The following CACNA1B variants were observed in gnomAD, a reference collection of about 807,000 sequenced individuals.
CACNA1B encodes the protein calcium voltage-gated channel subunit alpha1 B, also known as voltage-dependent N-type calcium channel subunit alpha-1B.
A neutral mutation model predicts 247.2 loss-of-function variants in CACNA1B; 70 were observed. That is an observed-to-expected ratio of 0.28 (90% CI 0.23 to 0.35). The LOEUF (loss-of-function observed/expected upper bound fraction) is 0.35, where lower values mean the gene tolerates loss of function less well. CACNA1B is among the 10% of genes least tolerant of loss of function. The pLI, the probability that CACNA1B is intolerant of heterozygous loss-of-function variation, is 1.00. For synonymous variants in CACNA1B, 1,231 were observed against 1,294.4 expected, an observed-to-expected ratio of 0.95 and a Z score of 1.05; for missense variants, 2,367 against 3,197.4, an observed-to-expected ratio of 0.74 and a Z score of 6.26.
chr9:138,012,838 C>T lies in CACNA1B; in HGVS notation c.2161-291C>T, dbSNP rs1308545376. ...TAGCACAGAGGTGAGGCCGTCGCCTCCAGGGAGACGGCACAAGCAAGAGGG... is the reference window on the plus strand; with the variant it reads ...TAGCACAGAGGTGAGGCCGTCGCCTTCAGGGAGACGGCACAAGCAAGAGGG... On this transcript the variant is annotated intron_variant, in intron 17 of 46. Coordinates refer to ENST00000371372, the MANE Select transcript of CACNA1B (RefSeq NM_000718.4). This position sits in a 1 kb window ranked among gnomAD's most constrained non-coding sequence, Gnocchi z 4.2. Among the ~76,000 whole-genome samples, 1 of 152,004 alleles carries T rather than the reference C, an allele frequency of 6.6e-6. No homozygotes were observed. Among genetic ancestry groups the T allele is most frequent in the African/African-American group, 2.4e-5 (1 of 41,400 alleles).
At chr9:138,043,495 G>C (rs780997291) in intron 20 of CACNA1B, among the ~76,000 whole-genome samples, 1 of 152,170 alleles carries the variant, frequency 6.6e-6, no homozygotes, top group Non-Finnish European at 1.5e-5. Context: ...GCGCGGCAGA[G>C]GGGTCCACAG....
intron 34 of CACNA1B, 111 bp downstream of exon 34, chr9:138,074,177 A>G: frequency 1.2e-6 from 1 of 813,934 alleles, no homozygotes; most frequent in Non-Finnish European, 2.1e-6. Context: ...ATCCTTAGTG[A>G]ACATTCTCTG....
At position 138,052,202 on chromosome 9, in the gene CACNA1B, G is replaced by T. The variant is rs199874271; in HGVS notation, c.3807+14G>T. ...CCCAAGCTCAAGGTTAGAGCCTGGA[G>T]TTGGGGCTTGAGGGATGTGCTGTGT... On this transcript the variant is annotated intron_variant, in intron 25 of 46. Transcript: ENST00000371372. This position sits in a 1 kb window ranked among gnomAD's most constrained non-coding sequence, Gnocchi z 5.1. 1.2e-5 allele frequency: 18 copies of T among 1,528,538 alleles called. 1 individual carries two copies. In the South Asian group the frequency reaches 1.9e-4, roughly 16 times the overall value. 94.7% of individuals were successfully genotyped at this position (1,528,538 alleles called of 1,614,324 possible).
intron 39 of CACNA1B, among the ~76,000 whole-genome samples, chr9:138,110,193 C>T (rs1961575353): frequency 6.6e-6 from 1 of 152,030 alleles, no homozygotes; most frequent in Non-Finnish European, 1.5e-5. Flanking sequence ...CAGCTCACTG[C>T]AGTCTCTGCC....
intron 12 of CACNA1B, among the ~76,000 whole-genome samples, chr9:137,979,022 G>A (rs565477090): frequency 1.5e-4 from 23 of 152,320 alleles, no homozygotes; most frequent in Admixed American, 1.4e-3. Flanking sequence ...CAAGGGAGCC[G>A]AAGAGATGGA....
chr9:137,978,103 G>C (rs897674536), intron 12 of CACNA1B, among the ~76,000 whole-genome samples: 6 of 143,800 alleles, frequency 4.2e-5, no homozygotes, highest in African/African-American at 1.3e-4. Context: ...CCAGGAAGGA[G>C]TGATGGGAGC....
intron 15 of CACNA1B, among the ~76,000 whole-genome samples, chr9:138,002,496 G>A (rs1156265908): frequency 6.7e-6 from 1 of 150,146 alleles, no homozygotes. Flanking sequence ...ATCGCTTGAG[G>A]CTCTTAAGTT....
intron 10 of CACNA1B, among the ~76,000 whole-genome samples, chr9:137,958,656 T>C (rs1957976896): frequency 6.6e-6 from 1 of 152,176 alleles, no homozygotes; most frequent in Non-Finnish European, 1.5e-5. Flanking sequence ...CCTTCCTCAC[T>C]AGTGCTTTTC....
chr9:138,017,347 G>A (rs1958806019), intron 18 of CACNA1B: 2 of 426,390 alleles, frequency 4.7e-6, no homozygotes, highest in Middle Eastern at 3.6e-4. Flanking sequence ...GCCTGAGCGG[G>A]GAATGGTGGG....
intron 20 of CACNA1B, among the ~76,000 whole-genome samples, chr9:138,042,553 T>C (rs1959138018): frequency 6.6e-6 from 1 of 152,262 alleles, no homozygotes; most frequent in Non-Finnish European, 1.5e-5. Flanking sequence ...AATAAATTAA[T>C]AGAATTTTTT....
rs151216893 is a variant in CACNA1B, at chr9:138,057,894, A to G, written c.4106+25A>G. 26 of 1,596,582 alleles carry G rather than the reference A, an allele frequency of 1.6e-5. No homozygotes were observed. The African/African-American group carries it at 3.5e-4, about 21-fold the overall frequency. On this transcript the variant is annotated intron_variant, in intron 27 of 46. Coordinates refer to ENST00000371372, the MANE Select transcript of CACNA1B (RefSeq NM_000718.4). The surrounding 1 kb of genome is among the most constrained non-coding windows in gnomAD (Gnocchi z 4.0). ...TGTGAGTGCTCATCCTGCTCTCCGT[A>G]GCTGGGGCAGGCAGCCCCTGAGCTC...
In CACNA1B at chr9:137,954,131, C is replaced by A. The variant is rs1207629631; in HGVS notation, c.1071-1567C>A. ...ATGGGATATGTGATGTTCCTCCCAT[C>A]AGCGCAGCTGAACCCTCCCTCAGGC... On this transcript the variant is annotated intron_variant, in intron 7 of 46. Coordinates refer to ENST00000371372, the MANE Select transcript of CACNA1B (RefSeq NM_000718.4). This position sits in a 1 kb window ranked among gnomAD's most constrained non-coding sequence, Gnocchi z 4.1. Among the ~76,000 whole-genome samples the A allele has an allele frequency of 6.6e-6, 1 of 152,154 alleles. No individual in the cohort carries two copies. The highest frequency in any genetic ancestry group is 1.5e-5 in the Non-Finnish European group (1 of 68,008).
chr9:137,884,963 C>CCA (rs1440419959), intron 3 of CACNA1B, among the ~76,000 whole-genome samples: 2 of 107,096 alleles, frequency 1.9e-5, no homozygotes, highest in African/African-American at 3.4e-5. Flanking sequence ...CTCTTCCCCC[C>CCA]CCCCCTCCTC....
intron 12 of CACNA1B, among the ~76,000 whole-genome samples, chr9:137,976,429 C>G (rs561718147): frequency 6.6e-6 from 1 of 152,334 alleles, no homozygotes; most frequent in Admixed American, 6.5e-5. Context: ...GGTTGGGGCA[C>G]GATAGGCCAT....
intron 18 of CACNA1B, among the ~76,000 whole-genome samples, chr9:138,015,968 A>G (rs1011529679): frequency 5.3e-5 from 8 of 152,050 alleles, no homozygotes; most frequent in African/African-American, 1.9e-4. Flanking sequence ...GCACACACAC[A>G]GGCACACAGA....
intron 25 of CACNA1B, 74 bp from the exon 26 acceptor site, chr9:138,053,772 C>T: frequency 9.6e-7 from 1 of 1,045,668 alleles, no homozygotes; most frequent in South Asian, 1.4e-5. Context: ...CGTGACCCTA[C>T]CCTTCCCCCT....
intron 20 of CACNA1B, among the ~76,000 whole-genome samples, chr9:138,027,305 G>T (rs1338171167): frequency 1.1e-4 from 17 of 152,130 alleles, no homozygotes; most frequent in Admixed American, 9.2e-4. Flanking sequence ...ACTAGAAACA[G>T]AAATCTAGGC....
At position 138,052,202 on chromosome 9, in the gene CACNA1B, G is replaced by A. The variant is rs199874271; in HGVS notation, c.3807+14G>A. On this transcript the variant is annotated intron_variant, in intron 25 of 46. Transcript: ENST00000371372. The surrounding 1 kb of genome is among the most constrained non-coding windows in gnomAD (Gnocchi z 5.1). ...CCCAAGCTCAAGGTTAGAGCCTGGA[G>A]TTGGGGCTTGAGGGATGTGCTGTGT... 6.5e-7 allele frequency: 1 copy of A among 1,528,540 alleles called. No homozygotes were observed. Among genetic ancestry groups the A allele is most frequent in the Non-Finnish European group, 9.0e-7 (1 of 1,106,360 alleles). The allele number at this position is 1,528,540 out of a possible 1,614,324, so 94.7% of individuals were successfully genotyped here. A position where few individuals can be genotyped will look rare whatever the true frequency, so the allele number is the denominator to read the frequency against.
At chr9:137,993,047 A>G (rs1958451556) in intron 15 of CACNA1B, among the ~76,000 whole-genome samples, 2 of 152,212 alleles carry the variant, frequency 1.3e-5, no homozygotes, top group Non-Finnish European at 1.5e-5. Context: ...TGCTAAGAGG[A>G]AAGTTCATAG....
Sources: gnomAD v4.1 joint callset for allele counts (sites outside exome capture counted in the v4.1 genomes callset) on GRCh38, gnomAD v4.1.1 for gene constraint, Gnocchi (gnomAD v3.1) non-coding constraint, MANE v1.5 for transcripts, NCBI Gene and HGNC (gene_info 2026-07-23, HGNC 2026-07-21) for gene names.